Variants in TNK2 observed in about 807,000 individuals in gnomAD.
The protein encoded by TNK2 is tyrosine kinase non receptor 2.
A neutral mutation model predicts 101.8 loss-of-function variants in TNK2; 83 were observed. The ratio of observed to expected loss-of-function variants is 0.82; its 90% CI spans 0.68 to 0.98. The LOEUF is 0.98. TNK2 is among the 50% of genes least tolerant of loss of function. The pLI is 0.00. For missense variants in TNK2, 1,665 were observed against 1,483.2 expected (o/e 1.12, Z -2.01); for synonymous variants, 804 against 633.0 (o/e 1.27, Z -4.06).
At chr3:195,897,507 T>C (rs984320557) in intron 1 of TNK2, among the ~76,000 whole-genome samples, 53 of 152,238 alleles carry the variant, frequency 3.5e-4, no homozygotes, top group African/African-American at 1.2e-3. Context: ...CCACATGTTT[T>C]TTGTTTGTTT....
In TNK2 at chr3:195,876,832, G is replaced by C. The variant is rs1287766754; in HGVS notation, c.1256+1421C>G. 2.2e-5 allele frequency: 8 copies of C among 359,368 alleles called. No individual in the cohort carries two copies. The Admixed American group carries it at 3.0e-4, about 13-fold the overall frequency. The allele number at this position is 359,368 out of a possible 1,614,324, so 22.3% of individuals were successfully genotyped here. A position where few individuals can be genotyped will look rare whatever the true frequency, so the allele number is the denominator to read the frequency against. On this transcript the variant is annotated intron_variant, in intron 9 of 15. Transcript: ENST00000672887. The stretch of plus-strand genomic sequence containing the variant: ...TCCCACTGCCCGCCTTGCCCGGGCG[G>C]TGACCTAAAACACCAGCTCCAGAGA...
rs370359592 is a variant in TNK2, at chr3:195,885,077, G to C, written c.235-44C>G. On this transcript the variant is annotated intron_variant, in intron 3 of 15. Transcript: ENST00000672887. This position sits in a 1 kb window ranked among gnomAD's most constrained non-coding sequence, Gnocchi z 4.7. ...GGGCCAGATGGAATCCAACACCCCA[G>C]GGTCAGTCACTCAGTCCCACCCCGC... The C allele has an allele frequency of 2.4e-4, 372 of 1,530,192 alleles. No individual in the cohort carries two copies. Among genetic ancestry groups the C allele is most frequent in the Non-Finnish European group, 3.1e-4 (353 of 1,131,840 alleles). The allele number at this position is 1,530,192 out of a possible 1,614,324, so 94.8% of individuals were successfully genotyped here.
intron 1 of TNK2, among the ~76,000 whole-genome samples, chr3:195,904,037 G>A (rs1295913491): frequency 6.6e-6 from 1 of 152,044 alleles, no homozygotes; most frequent in Non-Finnish European, 1.5e-5. Flanking sequence ...AAAGCCGCTT[G>A]AGGCCAGGAG....
At chr3:195,895,303 G>A (rs1444527381) in intron 1 of TNK2, 3 of 1,575,454 alleles carry the variant, frequency 1.9e-6, no homozygotes, top group Admixed American at 1.8e-5. Flanking sequence ...CCCCCATGGA[G>A]CCCCAAATCC....
chr3:195,869,651 G>T, intron 11 of TNK2, 110 bp from the exon 12 acceptor site: 2 of 1,116,106 alleles, frequency 1.8e-6, no homozygotes, highest in Non-Finnish European at 1.3e-6. Context: ...AGGGAGAGAA[G>T]TGAATGGGGG....
chr3:195,867,695 T>A lies in TNK2; in HGVS notation c.2603A>T (p.Lys868Met). 6.2e-7 allele frequency: 1 copy of A among 1,609,034 alleles called. No homozygotes were observed. The stretch of plus-strand genomic sequence containing the variant: ...CAAGTAATAGTGGGTGCTGCTGACC[T>A]TCTTGCCATCCCGGACGATGGGCAG... ...CILPIVRDGK[K>M]VSSTHYYLLP... The change falls in exon 13 of 16, where the codon AAG (lysine) becomes ATG (methionine). Residue 868 changes from lysine to methionine, a missense_variant. Coordinates refer to ENST00000672887, the MANE Select transcript of TNK2 (RefSeq NM_001382273.1).
intron 10 of TNK2, among the ~76,000 whole-genome samples, chr3:195,870,981 GGTGTGTGGGGGCCCGCTGTGT>G (rs1744821793): frequency 1.1e-5 from 1 of 92,186 alleles, no homozygotes; most frequent in African/African-American, 3.6e-5. Flanking sequence ...GTGGGGTTCT[GGTGTGTGGGGGCCCGCTGTGT>G]GGGTTCTGGT....
At position 195,863,492 on chromosome 3, in the gene TNK2, A is replaced by G. The variant is rs1738708726; in HGVS notation, c.*689T>C. ...GGGGGAATTGGGTGGAAGAGGAAGC[A>G]CTGATGTCCCTCCAGGGCGGCTGCC... On this transcript the variant is annotated 3_prime_UTR_variant, in exon 16 of 16. Transcript: ENST00000672887. 1 of 152,722 alleles carries G rather than the reference A, an allele frequency of 6.5e-6. No homozygotes were observed. The highest frequency in any genetic ancestry group is 1.5e-5 in the Non-Finnish European group (1 of 68,088). The allele number at this position is 152,722 out of a possible 1,614,324, so 9.5% of individuals were successfully genotyped here.
intron 9 of TNK2, among the ~76,000 whole-genome samples, chr3:195,875,501 G>A (rs937658079): frequency 1.3e-5 from 2 of 152,216 alleles, no homozygotes; most frequent in East Asian, 3.9e-4. Context: ...CACACTCCAA[G>A]GCAGCTTCAT....
chr3:195,874,051 C>T (rs1003779293), intron 9 of TNK2, among the ~76,000 whole-genome samples: 2 of 152,202 alleles, frequency 1.3e-5, no homozygotes, highest in African/African-American at 4.8e-5. Flanking sequence ...AGCACGCACA[C>T]AGCCTCCCAC....
chr3:195,901,270 T>C (rs963968642), intron 1 of TNK2, among the ~76,000 whole-genome samples: 4 of 152,288 alleles, frequency 2.6e-5, no homozygotes, highest in South Asian at 2.1e-4. Flanking sequence ...TGGAGGCTCA[T>C]GGAGGCTCAG....
intron 9 of TNK2, among the ~76,000 whole-genome samples, chr3:195,875,743 G>A (rs1269442763): frequency 2.0e-5 from 3 of 152,288 alleles, no homozygotes; most frequent in South Asian, 2.1e-4. Flanking sequence ...AAGCAGGGGC[G>A]GATGAGGACT....
chr3:195,877,240 A>C (rs926962196), intron 9 of TNK2, among the ~76,000 whole-genome samples: 10 of 152,042 alleles, frequency 6.6e-5, no homozygotes, highest in African/African-American at 2.4e-4. Flanking sequence ...CCCTAACCAC[A>C]GGCCCTGCAG....
At position 195,882,570 on chromosome 3, in the gene TNK2, A is replaced by G; in HGVS notation, c.610-242T>C. The G allele has an allele frequency of 6.7e-7, 1 of 1,503,404 alleles. No homozygotes were observed. The allele number at this position is 1,503,404 out of a possible 1,614,324, so 93.1% of individuals were successfully genotyped here. ...AAAGAGGCAGTGGCTAGAAATTCCA[A>G]AACTCAGCTGGACGTGGTGGCTCAC... is the stretch of plus-strand genomic sequence containing the variant. On this transcript the variant is annotated intron_variant, in intron 5 of 15. Coordinates refer to ENST00000672887, the MANE Select transcript of TNK2 (RefSeq NM_001382273.1). The surrounding 1 kb of genome is among the most constrained non-coding windows in gnomAD (Gnocchi z 4.2).
intron 1 of TNK2, among the ~76,000 whole-genome samples, chr3:195,896,492 T>A (rs1325199244): frequency 6.6e-6 from 1 of 152,192 alleles, no homozygotes; most frequent in Non-Finnish European, 1.5e-5. Context: ...CCTGCTTCTA[T>A]GCTGTACAGA....
At position 195,882,302 on chromosome 3, in the gene TNK2, C is replaced by G. The variant is rs368702791; in HGVS notation, c.636G>C (p.Ser212=). 2 of 1,613,132 alleles carry G rather than the reference C, an allele frequency of 1.2e-6. No individual in the cohort carries two copies. The highest frequency in any genetic ancestry group is 8.5e-7 in the Non-Finnish European group (1 of 1,179,684). The change falls in exon 6 of 16, where the codon TCG becomes TCC. Residue 212 remains serine (S), a synonymous_variant. Coordinates refer to ENST00000672887, the MANE Select transcript of TNK2 (RefSeq NM_001382273.1). This position sits in a 1 kb window ranked among gnomAD's most constrained non-coding sequence, Gnocchi z 4.2. ...KMVTELAPLG[S]LLDRLRKHQG... is the part of the protein sequence containing the mutation. ...GGTGCTTACGTAGCCGGTCCAACAA[C>G]GATCCCAGAGGTGCCAGCTCTGTCA...
intron 1 of TNK2, among the ~76,000 whole-genome samples, chr3:195,900,993 G>A (rs928012228): frequency 6.6e-5 from 10 of 152,252 alleles, no homozygotes; most frequent in Non-Finnish European, 1.5e-4. Flanking sequence ...AGATGCCAGA[G>A]CTGGGAAGTG....
At chr3:195,900,641 A>C (rs2149846865) in intron 1 of TNK2, among the ~76,000 whole-genome samples, 1 of 152,310 alleles carries the variant, frequency 6.6e-6, no homozygotes, top group Non-Finnish European at 1.5e-5. Context: ...GTGGCAGAGG[A>C]CACATTGCTG....
intron 1 of TNK2, among the ~76,000 whole-genome samples, chr3:195,892,226 A>G (rs2149747522): frequency 6.6e-6 from 1 of 152,292 alleles, no homozygotes; most frequent in South Asian, 2.1e-4. Context: ...CGGCGTGCAA[A>G]CACACAGGCC....
Sources: gnomAD v4.1 joint callset for allele counts (sites outside exome capture counted in the v4.1 genomes callset) on GRCh38, gnomAD v4.1.1 for gene constraint, Gnocchi (gnomAD v3.1) non-coding constraint, MANE v1.5 for transcripts, NCBI Gene and HGNC (gene_info 2026-07-23, HGNC 2026-07-21) for gene names.